Variants in BAZ2B observed in about 807,000 individuals in gnomAD.
BAZ2B encodes the protein bromodomain adjacent to zinc finger domain protein 2B.
A neutral mutation model predicts 246.0 loss-of-function variants in BAZ2B; 91 were observed. That is an observed-to-expected ratio of 0.37 (90% CI 0.31 to 0.44). The LOEUF (loss-of-function observed/expected upper bound fraction) is 0.44, where lower values mean the gene tolerates loss of function less well. Among genes scored for constraint, BAZ2B ranks in the 20% least tolerant of loss-of-function variants. BAZ2B has a pLI of 1.00. For missense variants in BAZ2B, 2,332 were observed against 2,533.7 expected (o/e 0.92, Z 1.71); for synonymous variants, 855 against 860.0 (o/e 0.99, Z 0.10).
At chr2:159,626,207 T>A in the BAZ2B span, among the ~76,000 whole-genome samples, 26 of 152,206 alleles carry the variant, frequency 1.7e-4, no homozygotes, top group Admixed American at 3.3e-4. Context: ...CAAAGAGACT[T>A]AGACTCCCAC....
chr2:159,386,341 G>T lies in BAZ2B; in HGVS notation c.3471+12C>A, dbSNP rs2062657886. ...ACAAATTTAAAACATTTTATATTTT[G>T]TTTTTTTTTACCTTGTATCCTGTTA... is the stretch of plus-strand genomic sequence containing the variant. On this transcript the variant is annotated intron_variant, in intron 22 of 36. Transcript: ENST00000392783. The T allele has an allele frequency of 1.3e-6, 2 of 1,579,402 alleles. No homozygotes were observed. The highest frequency in any genetic ancestry group is 8.6e-7 in the Non-Finnish European group (1 of 1,160,094).
chr2:159,336,910 A>T, intron 33 of BAZ2B, 32 bp downstream of exon 33: 2 of 1,518,470 alleles, frequency 1.3e-6, no homozygotes, highest in Non-Finnish European at 1.8e-6. Context: ...AAAGTAAATT[A>T]GTTATAATAT....
rs749059649 is a variant in BAZ2B at position 159,349,113 on chromosome 2, T to C, written c.5031A>G (p.Lys1677=). 1.6e-5 allele frequency: 26 copies of C among 1,614,090 alleles called. No individual in the cohort carries two copies. Among genetic ancestry groups the C allele is most frequent in the Middle Eastern group, 1.6e-4 (1 of 6,062 alleles). ...SFLTSNVASS[K]SESPVPQNEK... is the part of the protein sequence containing the mutation. ...CATTCTGTGGTACTGGAGATTCACT[T>C]TTACTTGAAGCAACATTGGAAGTCA... is the stretch of plus-strand genomic sequence containing the variant. Residue 1677 remains lysine, a synonymous_variant, in exon 29 of 37, where the codon AAA becomes AAG. Coordinates refer to ENST00000392783, the MANE Select transcript of BAZ2B (RefSeq NM_013450.4).
At chr2:159,384,152 T>C (rs983690391) in intron 23 of BAZ2B, among the ~76,000 whole-genome samples, 13 of 151,982 alleles carry the variant, frequency 8.6e-5, no homozygotes, top group Non-Finnish European at 1.8e-4. Context: ...TACCATTCTG[T>C]TTTACTTTAC....
the BAZ2B span, among the ~76,000 whole-genome samples, chr2:159,623,702 GTTTAT>G: frequency 6.6e-6 from 1 of 152,048 alleles, no homozygotes; most frequent in Non-Finnish European, 1.5e-5. Flanking sequence ...TTACATATGT[GTTTAT>G]TTTATTTTTG....
the BAZ2B span, among the ~76,000 whole-genome samples, chr2:159,639,106 G>A: frequency 6.6e-6 from 1 of 151,944 alleles, no homozygotes; most frequent in African/African-American, 2.4e-5. Context: ...TATTTAAAGT[G>A]TTGGGAAAAC....
chr2:159,591,361 C>A (rs1372759039), intron 1 of BAZ2B, among the ~76,000 whole-genome samples: 1 of 152,110 alleles, frequency 6.6e-6, no homozygotes, highest in Non-Finnish European at 1.5e-5. Flanking sequence ...ATGGTAACTA[C>A]AGGTGAAGAG....
chr2:159,450,134 C>G (rs769133312), intron 4 of BAZ2B, among the ~76,000 whole-genome samples: 3 of 152,020 alleles, frequency 2.0e-5, no homozygotes, highest in Admixed American at 2.0e-4. Flanking sequence ...CTAAGGTAAT[C>G]AAAGTGTAAT....
At chr2:159,548,073 T>C (rs1170160048) in intron 2 of BAZ2B, among the ~76,000 whole-genome samples, 1 of 152,176 alleles carries the variant, frequency 6.6e-6, no homozygotes, top group African/African-American at 2.4e-5. Context: ...CATTTAGGAA[T>C]AGCAATGGGA....
intron 13 of BAZ2B, among the ~76,000 whole-genome samples, chr2:159,417,647 A>C (rs571563787): frequency 6.6e-6 from 1 of 152,358 alleles, no homozygotes; most frequent in African/African-American, 2.4e-5. Flanking sequence ...TAATGAAATA[A>C]GTGAAAGTAC....
chr2:159,323,933 A>T (rs2063083994), intron 36 of BAZ2B, among the ~76,000 whole-genome samples: 1 of 152,206 alleles, frequency 6.6e-6, no homozygotes, highest in South Asian at 2.1e-4. Context: ...TCTGTAATTA[A>T]AAAATAATAA....
chr2:159,406,020 A>G (rs988921101), intron 14 of BAZ2B, among the ~76,000 whole-genome samples: 1 of 152,238 alleles, frequency 6.6e-6, no homozygotes, highest in Non-Finnish European at 1.5e-5. Context: ...TCAAGGATAC[A>G]TGTATGAAAC....
intron 14 of BAZ2B, among the ~76,000 whole-genome samples, chr2:159,411,581 T>C (rs62171544): frequency 0.32 from 48,660 of 151,996 alleles, 9,724 homozygotes; most frequent in Non-Finnish European, 0.47. Flanking sequence ...ATATAAGGTA[T>C]CTACACATAT....
the BAZ2B span, among the ~76,000 whole-genome samples, chr2:159,682,909 T>TCCCCCC: frequency 7.6e-6 from 1 of 131,704 alleles, no homozygotes; most frequent in African/African-American, 2.9e-5. Context: ...CTGCCACCCC[T>TCCCCCC]CCCCCCCCCC....
At chr2:159,682,372 T>A in the BAZ2B span, among the ~76,000 whole-genome samples, 1 of 151,928 alleles carries the variant, frequency 6.6e-6, no homozygotes, top group Non-Finnish European at 1.5e-5. Flanking sequence ...GTAGACAGTA[T>A]CTCACTATAT....
At chr2:159,689,167 T>C in the BAZ2B span, 1 of 416,124 alleles carries the variant, frequency 2.4e-6, no homozygotes, top group Non-Finnish European at 4.4e-6. Context: ...CGCACGTATT[T>C]TTCTCACAAA....
At chr2:159,407,710 G>A (rs1289440418) in intron 14 of BAZ2B, among the ~76,000 whole-genome samples, 1 of 152,004 alleles carries the variant, frequency 6.6e-6, no homozygotes, top group African/African-American at 2.4e-5. Flanking sequence ...AAATAAAATG[G>A]AAGATGATGA....
At chr2:159,712,213 G>A in the BAZ2B span, 2 of 151,846 alleles carry the variant, frequency 1.3e-5, no homozygotes, top group African/African-American at 4.8e-5. Context: ...AGAGACTATA[G>A]ACGGGCGGGG....
In BAZ2B at chr2:159,432,835, T is replaced by C. The variant is rs776464112; in HGVS notation, c.1822A>G (p.Asn608Asp). ...IPSSKDSEDS[N>D]EDEEEDDEEE... ...TCATCATCTTCCTCTTCATCCTCAT[T>C]TGAATCTTCAGAATCTTTACTACTG... The change falls in exon 9 of 37, where the codon AAT (asparagine) becomes GAT (aspartate). Residue 608 changes from asparagine to aspartate, a missense_variant. By Grantham distance (23) the Asn-to-Asp change is conservative. Coordinates refer to ENST00000392783, the MANE Select transcript of BAZ2B (RefSeq NM_013450.4). 1.4e-5 allele frequency: 22 copies of C among 1,614,166 alleles called. No homozygotes were observed. In the Middle Eastern group the frequency reaches 4.9e-4, roughly 36 times the overall value.
Sources: gnomAD v4.1 joint callset for allele counts (sites outside exome capture counted in the v4.1 genomes callset) on GRCh38, gnomAD v4.1.1 for gene constraint, MANE v1.5 for transcripts, NCBI Gene and HGNC (gene_info 2026-07-23, HGNC 2026-07-21) for gene names.